LYPLAL1: variants seen among roughly 807,000 people sequenced by gnomAD.
LYPLAL1 encodes the protein lysophospholipase like 1.
Under a neutral mutation model 19.7 loss-of-function variants are expected in LYPLAL1, and 23 were observed. The ratio of observed to expected loss-of-function variants is 1.17; its 90% CI spans 0.84 to 1.65. The LOEUF (loss-of-function observed/expected upper bound fraction) is 1.65. Among genes scored for constraint, LYPLAL1 ranks in the 40% most tolerant of loss-of-function variants. The pLI, the probability that LYPLAL1 is intolerant of heterozygous loss-of-function variation, is 0.00. For synonymous variants in LYPLAL1, 119 were observed against 96.3 expected (o/e 1.24, Z -1.38); for missense variants, 355 against 279.4 (o/e 1.27, Z -1.93).
the LYPLAL1 span, among the ~76,000 whole-genome samples, chr1:219,244,001 A>C: frequency 1.3e-5 from 2 of 151,996 alleles, no homozygotes; most frequent in African/African-American, 4.8e-5. Flanking sequence ...CAAAATGACC[A>C]AAACTCACAG....
the LYPLAL1 span, among the ~76,000 whole-genome samples, chr1:219,317,329 A>G: frequency 6.6e-6 from 1 of 152,184 alleles, no homozygotes; most frequent in Non-Finnish European, 1.5e-5. Context: ...CTAAATAGCT[A>G]TATTCCATTC....
chr1:219,186,651 A>G (rs1408251715), intron 2 of LYPLAL1, among the ~76,000 whole-genome samples: 2 of 151,774 alleles, frequency 1.3e-5, no homozygotes, highest in South Asian at 2.1e-4. Flanking sequence ...TATTGTTTAC[A>G]TGGCACTTCA....
the LYPLAL1 span, among the ~76,000 whole-genome samples, chr1:219,259,710 G>A: frequency 1.3e-5 from 2 of 151,072 alleles, no homozygotes; most frequent in African/African-American, 2.4e-5. Context: ...CAGGTGTTGG[G>A]CACAACAAAA....
chr1:219,198,344 G>A (rs1657784231), intron 3 of LYPLAL1, among the ~76,000 whole-genome samples: 1 of 151,780 alleles, frequency 6.6e-6, no homozygotes, highest in Admixed American at 6.6e-5. Context: ...ATGCATATAT[G>A]TACATATTAT....
At chr1:219,189,608 A>G (rs1656986574) in intron 2 of LYPLAL1, among the ~76,000 whole-genome samples, 2 of 151,454 alleles carry the variant, frequency 1.3e-5, no homozygotes, top group African/African-American at 2.4e-5. Flanking sequence ...CAGAAGGCAT[A>G]TGGGGTTGTG....
intron 3 of LYPLAL1, among the ~76,000 whole-genome samples, chr1:219,209,253 T>A (rs1298564065): frequency 1.3e-5 from 2 of 152,112 alleles, no homozygotes; most frequent in Non-Finnish European, 2.9e-5. Context: ...TGTGCCTTTT[T>A]TAAAAAATCT....
chr1:219,392,929 T>C, the LYPLAL1 span, among the ~76,000 whole-genome samples: 1 of 152,174 alleles, frequency 6.6e-6, no homozygotes, highest in African/African-American at 2.4e-5. Context: ...TAAAGCTAGT[T>C]TTTAAATTGT....
the LYPLAL1 span, among the ~76,000 whole-genome samples, chr1:219,306,770 A>ATAGG: frequency 6.6e-6 from 1 of 151,266 alleles, no homozygotes; most frequent in South Asian, 2.1e-4. Flanking sequence ...AGATAGATAG[A>ATAGG]TAGATAGATA....
At chr1:219,334,650 T>G in the LYPLAL1 span, among the ~76,000 whole-genome samples, 1 of 151,934 alleles carries the variant, frequency 6.6e-6, no homozygotes, top group South Asian at 2.1e-4. Context: ...TTTGTATCTA[T>G]TTTATCCGGC....
At chr1:219,237,895 A>G in the LYPLAL1 span, among the ~76,000 whole-genome samples, 2 of 152,268 alleles carry the variant, frequency 1.3e-5, no homozygotes, top group South Asian at 4.1e-4. Context: ...CCCAGCATCT[A>G]GCACAATCCC....
At chr1:219,268,524 G>T in the LYPLAL1 span, among the ~76,000 whole-genome samples, 1 of 152,208 alleles carries the variant, frequency 6.6e-6, no homozygotes, top group Admixed American at 6.5e-5. Context: ...ATAGTCAGAT[G>T]AGCTCATGTT....
chr1:219,229,294 TGAGAGAGAGA>T, the LYPLAL1 span, among the ~76,000 whole-genome samples: 5,313 of 132,688 alleles, frequency 0.04, 310 homozygotes, highest in African/African-American at 0.13. Context: ...ACAAGCATTT[TGAGAGAGAGA>T]GAGAGAGAGA....
At chr1:219,210,710 CAAAATCGGTAA>C in intron 4 of LYPLAL1, 63 bp downstream of exon 4, 1 of 1,448,994 alleles carries the variant, frequency 6.9e-7, no homozygotes, top group Non-Finnish European at 9.3e-7. Context: ...AAAACTAAAG[CAAAATCGGTAA>C]TAAAGCTGTA....
At chr1:219,232,045 T>C in the LYPLAL1 span, among the ~76,000 whole-genome samples, 1 of 152,238 alleles carries the variant, frequency 6.6e-6, no homozygotes, top group African/African-American at 2.4e-5. Flanking sequence ...GCCACAGTCA[T>C]TTTCATACAA....
chr1:219,327,623 C>G, the LYPLAL1 span, among the ~76,000 whole-genome samples: 1 of 152,110 alleles, frequency 6.6e-6, no homozygotes, highest in Non-Finnish European at 1.5e-5. Flanking sequence ...ATAATCATTC[C>G]CTAGGAATAG....
chr1:219,256,587 TTTA>T, the LYPLAL1 span, among the ~76,000 whole-genome samples: 2 of 151,968 alleles, frequency 1.3e-5, no homozygotes, highest in Non-Finnish European at 2.9e-5. Flanking sequence ...GTTTTTATAT[TTTA>T]TTAACTGTTG....
At chr1:219,322,829 A>ACTG in the LYPLAL1 span, among the ~76,000 whole-genome samples, 1 of 152,328 alleles carries the variant, frequency 6.6e-6, no homozygotes, top group Non-Finnish European at 1.5e-5. Context: ...ATGCTTAAAT[A>ACTG]CTGCAGTAAA....
chr1:219,176,862 G>A (rs1056777334), intron 1 of LYPLAL1, among the ~76,000 whole-genome samples: 4 of 152,088 alleles, frequency 2.6e-5, no homozygotes, highest in African/African-American at 7.2e-5. Context: ...ATATATCACA[G>A]CCTCCATGTG....
the LYPLAL1 span, among the ~76,000 whole-genome samples, chr1:219,247,695 C>A: frequency 6.6e-6 from 1 of 152,104 alleles, no homozygotes; most frequent in East Asian, 1.9e-4. Context: ...AAATAATAAA[C>A]AACAGCTTCA....
Sources: gnomAD v4.1 joint callset for allele counts (sites outside exome capture counted in the v4.1 genomes callset) on GRCh38, gnomAD v4.1.1 for gene constraint, MANE v1.5 for transcripts, NCBI Gene and HGNC (gene_info 2026-07-23, HGNC 2026-07-21) for gene names.